CALHM4: variants seen among roughly 807,000 people sequenced by gnomAD.
CALHM4 encodes calcium homeostasis modulator protein 4.
A neutral mutation model predicts 13.3 loss-of-function variants in CALHM4; 16 were observed. The ratio of observed to expected loss-of-function variants is 1.20; its 90% CI spans 0.81 to 1.82. CALHM4 has a LOEUF of 1.82. CALHM4 is among the 40% of genes most tolerant of loss of function. The probability of loss-of-function intolerance (pLI) is 0.00; values close to 1 mark genes in which losing one functional copy is unlikely to be tolerated. For missense variants in CALHM4, 344 were observed against 374.9 expected, an observed-to-expected ratio of 0.92 and a Z score of 0.68; for synonymous variants, 127 against 137.1, an observed-to-expected ratio of 0.93 and a Z score of 0.52.
intron 2 of CALHM4, among the ~76,000 whole-genome samples, chr6:116,547,473 T>G (rs1401987093): frequency 6.6e-6 from 1 of 152,186 alleles, no homozygotes; most frequent in Non-Finnish European, 1.5e-5. Context: ...AGACACGAGC[T>G]TAAGGAAGGA....
rs553577162 is a variant in CALHM4 at position 116,538,693 on chromosome 6, C to A, written c.-108-5072C>A. On this transcript the variant is annotated intron_variant, in intron 1 of 2. Coordinates refer to the CALHM4 transcript ENST00000368597. ...TTCAGATTATTGGTCAATGCTCTAC[C>A]GCCTTATTAATTTGCAAGACAAAGT... Among the ~76,000 whole-genome samples the A allele has an allele frequency of 2.6e-5, 4 of 151,740 alleles. No homozygotes were observed. The South Asian group carries it at 6.3e-4, about 24-fold the overall frequency.
intron 1 of CALHM4, among the ~76,000 whole-genome samples, chr6:116,536,004 T>C (rs1773060598): frequency 6.6e-6 from 1 of 152,020 alleles, no homozygotes; most frequent in Non-Finnish European, 1.5e-5. Flanking sequence ...TAGGTAGGAG[T>C]TACTTTGAAC....
rs1456079751 is a variant in CALHM4, at chr6:116,560,977, C to T, written c.*2766C>T. Among the ~76,000 whole-genome samples the T allele has an allele frequency of 1.3e-5, 2 of 152,162 alleles. No individual in the cohort carries two copies. The highest frequency in any genetic ancestry group is 2.4e-5 in the African/African-American group (1 of 41,430). Reference sequence around the variant, plus strand: ...AACCAATGTGTAAATGTGTTTTACTCAGCTTTCTTTATGTTTTCCAAAGCT... The same window carrying T: ...AACCAATGTGTAAATGTGTTTTACTTAGCTTTCTTTATGTTTTCCAAAGCT... On this transcript the variant is annotated 3_prime_UTR_variant, in exon 2 of 2. Coordinates refer to ENST00000368596, the MANE Select transcript of CALHM4 (RefSeq NM_001366078.2).
At chr6:116,536,735 T>C (rs895002166) in intron 1 of CALHM4, among the ~76,000 whole-genome samples, 8 of 152,198 alleles carry the variant, frequency 5.3e-5, no homozygotes, top group African/African-American at 1.9e-4. Context: ...GTGTGTGGTC[T>C]GAGAGGGGAG....
chr6:116,542,926 T>G (rs184391034), intron 1 of CALHM4, among the ~76,000 whole-genome samples: 2 of 152,114 alleles, frequency 1.3e-5, no homozygotes, highest in African/African-American at 4.8e-5. Context: ...CATATATTTA[T>G]ATTGGAAGCA....
In CALHM4 at chr6:116,539,598, C is replaced by A. The variant is rs116650680; in HGVS notation, c.-108-4167C>A. 4.0e-3 allele frequency among the ~76,000 whole-genome samples: 602 copies of A among 152,166 alleles called. 6 individuals carry two copies. Among genetic ancestry groups the A allele is most frequent in the African/African-American group, 0.014 (577 of 41,494 alleles). On this transcript the variant is annotated intron_variant, in intron 1 of 2. Transcript: ENST00000368597. ...GAAAGACAAAGAGTATGTAAAACTG[C>A]ATTTAGGCTCAGAAAGCATGATGGT...
intron 1 of CALHM4, among the ~76,000 whole-genome samples, chr6:116,541,834 C>G (rs1773482578): frequency 1.3e-5 from 2 of 152,120 alleles, no homozygotes; most frequent in Admixed American, 6.6e-5. Flanking sequence ...ACACATATTG[C>G]TTTGGTCAAA....
rs766153099 is a variant in CALHM4 at position 116,540,449 on chromosome 6, C to T, written c.-108-3316C>T. 2.6e-6 allele frequency: 4 copies of T among 1,551,290 alleles called. No individual in the cohort carries two copies. In the South Asian group the frequency reaches 3.6e-5, roughly 14 times the overall value. ...AAAAAGTCTTCCACAAGCCGCGTTC[C>T]AATGCCGTAACCCCTGTGGATGACG... On this transcript the variant is annotated intron_variant, in intron 1 of 2. Transcript: ENST00000368597.
At chr6:116,556,305 C>T (rs1025423100) in intron 1 of CALHM4, among the ~76,000 whole-genome samples, 8 of 152,126 alleles carry the variant, frequency 5.3e-5, no homozygotes, top group African/African-American at 1.9e-4. Flanking sequence ...GCTCATTTGT[C>T]TCCTTTTTTA....
At chr6:116,545,840 G>A (rs1479465802) in intron 2 of CALHM4, among the ~76,000 whole-genome samples, 1 of 152,170 alleles carries the variant, frequency 6.6e-6, no homozygotes, top group Non-Finnish European at 1.5e-5. Flanking sequence ...AAATTCTTTA[G>A]CCCGAGGGAG....
At chr6:116,556,918 T>C (rs759470425) in intron 1 of CALHM4, among the ~76,000 whole-genome samples, 11 of 151,174 alleles carry the variant, frequency 7.3e-5, no homozygotes, top group Middle Eastern at 3.4e-3. Flanking sequence ...ACAGTGACTA[T>C]GCTATTCATT....
chr6:116,530,832 A>C (rs902630243), intron 1 of CALHM4, among the ~76,000 whole-genome samples: 3 of 150,176 alleles, frequency 2.0e-5, no homozygotes, highest in Non-Finnish European at 1.5e-5. Flanking sequence ...GCTCTGAAAC[A>C]AAGAAAAACA....
chr6:116,558,397 A>T lies in CALHM4; in HGVS notation c.*186A>T. The T allele has an allele frequency of 4.2e-6, 3 of 720,520 alleles. No individual in the cohort carries two copies. In the South Asian group the frequency reaches 7.3e-5, roughly 17 times the overall value. The allele number at this position is 720,520 out of a possible 1,614,324, so 44.6% of individuals were successfully genotyped here. The stretch of plus-strand genomic sequence containing the variant: ...ATAATTGTGCCAATCTCTCATTTTG[A>T]AATTTTGCCAATGGTCTGGTAATGC... On this transcript the variant is annotated 3_prime_UTR_variant, in exon 2 of 2. Coordinates refer to ENST00000368596, the MANE Select transcript of CALHM4 (RefSeq NM_001366078.2).
intron 1 of CALHM4, among the ~76,000 whole-genome samples, chr6:116,529,613 G>T (rs1184293795): frequency 2.0e-5 from 3 of 152,204 alleles, no homozygotes; most frequent in Non-Finnish European, 4.4e-5. Flanking sequence ...CCCTCTCCAT[G>T]TCCTGCAAGG....
intron 1 of CALHM4, among the ~76,000 whole-genome samples, chr6:116,543,608 G>A (rs1012913333): frequency 6.6e-6 from 1 of 152,068 alleles, no homozygotes; most frequent in African/African-American, 2.4e-5. Flanking sequence ...AGAGAGAGCT[G>A]TTAAATAAAA....
Position 116,557,979 on chromosome 6 carries a change from A to C in CALHM4, c.713A>C (p.Gln238Pro). The C allele has an allele frequency of 6.2e-7, 1 of 1,614,144 alleles. No homozygotes were observed. The highest frequency in any genetic ancestry group is 8.5e-7 in the Non-Finnish European group (1 of 1,180,022). Reference protein sequence around the residue: ...ERELFEQAAEQHSRLLMMHRI... With the variant: ...ERELFEQAAEPHSRLLMMHRI... ...GAACTCTTTGAACAAGCAGCAGAGC[A>C]GCACTCTCGGCTCCTCATGATGCAT... Residue 238 changes from glutamine to proline, a missense_variant, in exon 2 of 2, where the codon CAG becomes CCG. Coordinates refer to ENST00000368596, the MANE Select transcript of CALHM4 (RefSeq NM_001366078.2).
At chr6:116,551,055 T>G (rs1403687358), upstream of CALHM4, among the ~76,000 whole-genome samples, 1 of 152,202 alleles carries the variant, frequency 6.6e-6, no homozygotes, top group Non-Finnish European at 1.5e-5. Flanking sequence ...TAGCCAACCC[T>G]AAGTGTTTTC....
intron 1 of CALHM4, among the ~76,000 whole-genome samples, chr6:116,532,720 C>A (rs1772819603): frequency 6.6e-6 from 1 of 152,134 alleles, no homozygotes; most frequent in African/African-American, 2.4e-5. Context: ...AACAGCAAAT[C>A]GTTGGAAGAT....
At chr6:116,554,976 G>A (rs1570067) in intron 1 of CALHM4, among the ~76,000 whole-genome samples, 57,112 of 152,020 alleles carry the variant, frequency 0.38, 12,395 homozygotes, top group East Asian at 0.54. Flanking sequence ...AGTAGAAAGA[G>A]TGACACTGCT....
Sources: gnomAD v4.1 joint callset for allele counts (sites outside exome capture counted in the v4.1 genomes callset) on GRCh38, gnomAD v4.1.1 for gene constraint, MANE v1.5 for transcripts, NCBI Gene and HGNC (gene_info 2026-07-23, HGNC 2026-07-21) for gene names.